Variants in HADHA observed in about 807,000 individuals in gnomAD.
HADHA encodes the protein hydroxyacyl-CoA dehydrogenase trifunctional multienzyme complex subunit alpha.
Under a neutral mutation model 91.3 loss-of-function variants are expected in HADHA, and 59 were observed. That is an observed-to-expected ratio of 0.65 (90% CI 0.52 to 0.80). The LOEUF (loss-of-function observed/expected upper bound fraction) is 0.80. Ranked by LOEUF, HADHA falls within the 30% of genes least tolerant of loss-of-function variation. The pLI is 0.00. For synonymous variants in HADHA, 320 were observed against 338.9 expected (o/e 0.94, Z 0.61); for missense variants, 800 against 927.6 (o/e 0.86, Z 1.79).
chr2:26,233,310 A>G (rs1451056166), intron 5 of HADHA, among the ~76,000 whole-genome samples: 1 of 152,200 alleles, frequency 6.6e-6, no homozygotes, highest in East Asian at 1.9e-4. Context: ...TTCTGTATCT[A>G]AACACAGAAA....
chr2:26,192,485 T>C, intron 17 of HADHA, 61 bp from the exon 18 acceptor site: 1 of 967,712 alleles, frequency 1.0e-6, no homozygotes, highest in East Asian at 2.4e-5. Context: ...TGTTACTATT[T>C]GTTCTCAGAA....
Position 26,191,611 on chromosome 2 carries a change from A to C in HADHA, c.2018T>G (p.Ile673Ser), listed in dbSNP as rs1345295632. Reference sequence around the variant, plus strand: ...AAATCTTGTCACCAGGCGGAACTGGATGTCTTCGTCTGATGAGCTGCCAAC... The same window carrying C: ...AAATCTTGTCACCAGGCGGAACTGGCTGTCTTCGTCTGATGAGCTGCCAAC... Reference protein sequence around the residue: ...PKSEVSSDEDIQFRLVTRFVN... With the variant: ...PKSEVSSDEDSQFRLVTRFVN... Residue 673 changes from isoleucine (I) to serine (S), a missense_variant, in exon 19 of 20, where the codon ATC becomes AGC. Coordinates refer to ENST00000380649, the MANE Select transcript of HADHA (RefSeq NM_000182.5). The C allele has an allele frequency of 6.2e-7, 1 of 1,614,160 alleles. No homozygotes were observed. The highest frequency in any genetic ancestry group is 1.3e-5 in the African/African-American group (1 of 75,058).
intron 10 of HADHA, among the ~76,000 whole-genome samples, chr2:26,211,456 T>G (rs891067741): frequency 5.3e-5 from 8 of 151,936 alleles, no homozygotes; most frequent in African/African-American, 1.9e-4. Context: ...ATATTACACA[T>G]GTTATGAGCT....
In HADHA at chr2:26,210,593, C is replaced by G. The variant is rs534747946; in HGVS notation, c.976-704G>C. ...TCTCCTGACCTCGTGATCTGCCCGC[C>G]TTGGCCTTCCAAAGTGCTGGGATTA... On this transcript the variant is annotated intron_variant, in intron 10 of 19. Transcript: ENST00000380649. The surrounding 1 kb of genome is among the most constrained non-coding windows in gnomAD (Gnocchi z 4.0). The G allele has an allele frequency of 6.5e-6, 1 of 152,788 alleles. No homozygotes were observed. The highest frequency in any genetic ancestry group is 1.5e-5 in the Non-Finnish European group (1 of 68,496). The allele number at this position is 152,788 out of a possible 1,614,324, so 9.5% of individuals were successfully genotyped here. A position where few individuals can be genotyped will look rare whatever the true frequency, so the allele number is the denominator to read the frequency against.
chr2:26,239,243 A>T lies in HADHA; in HGVS notation c.68-100T>A, dbSNP rs886864924. 4 of 841,758 alleles carry T rather than the reference A, an allele frequency of 4.8e-6. No individual in the cohort carries two copies. In the African/African-American group the frequency reaches 6.7e-5, roughly 14 times the overall value. The allele number at this position is 841,758 out of a possible 1,614,324, so 52.1% of individuals were successfully genotyped here. A position where few individuals can be genotyped will look rare whatever the true frequency, so the allele number is the denominator to read the frequency against. Reference sequence around the variant, plus strand: ...ATTTACAATAATAACAACAACAAAAACCCCAAATCTGTACAATGTATTCTA... The same window carrying T: ...ATTTACAATAATAACAACAACAAAATCCCCAAATCTGTACAATGTATTCTA... On this transcript the variant is annotated intron_variant, in intron 1 of 19. Transcript: ENST00000380649.
intron 1 of HADHA, among the ~76,000 whole-genome samples, chr2:26,242,313 G>T (rs897634063): frequency 2.0e-5 from 3 of 152,200 alleles, no homozygotes; most frequent in African/African-American, 7.2e-5. Flanking sequence ...TAAGGGTGCA[G>T]GTCATTTTAA....
intron 7 of HADHA, among the ~76,000 whole-genome samples, chr2:26,223,403 G>A (rs895718458): frequency 1.3e-5 from 2 of 152,210 alleles, no homozygotes; most frequent in Non-Finnish European, 2.9e-5. Context: ...ACATGGGACT[G>A]CTAGTGGCCT....
At chr2:26,225,969 G>C (rs999632056) in intron 7 of HADHA, among the ~76,000 whole-genome samples, 2 of 151,804 alleles carry the variant, frequency 1.3e-5, no homozygotes, top group African/African-American at 4.8e-5. Context: ...TAATAAAAAA[G>C]GCTACTAGAA....
rs1670580686 is a variant in HADHA, at chr2:26,229,934, C to T, written c.676+258G>A. On this transcript the variant is annotated intron_variant, in intron 7 of 19. Coordinates refer to ENST00000380649, the MANE Select transcript of HADHA (RefSeq NM_000182.5). This position sits in a 1 kb window ranked among gnomAD's most constrained non-coding sequence, Gnocchi z 4.3. ...CTCAGCCCCGCCAGGTTCAAGCGAT[C>T]CTCCTGCCTCAGCCTCCCAAGTAGC... 6.6e-6 allele frequency among the ~76,000 whole-genome samples: 1 copy of T among 152,144 alleles called. No homozygotes were observed. The highest frequency in any genetic ancestry group is 2.4e-5 in the African/African-American group (1 of 41,432).
intron 14 of HADHA, 84 bp downstream of exon 14, chr2:26,197,607 C>A (rs751491396): frequency 1.3e-5 from 10 of 786,438 alleles, no homozygotes; most frequent in Non-Finnish European, 2.1e-5. Flanking sequence ...AATCCACTGT[C>A]TCTTCTGTAC....
In HADHA at chr2:26,214,396, T is replaced by C. The variant is rs1273548262; in HGVS notation, c.918+47A>G. Reference sequence around the variant, plus strand: ...TGGCAATAAGGAGGAGTGATCTATATAAAGGAAGGAAATATGAGAAAAGTG... The same window carrying C: ...TGGCAATAAGGAGGAGTGATCTATACAAAGGAAGGAAATATGAGAAAAGTG... On this transcript the variant is annotated intron_variant, in intron 9 of 19. Coordinates refer to ENST00000380649, the MANE Select transcript of HADHA (RefSeq NM_000182.5). The surrounding 1 kb of genome is among the most constrained non-coding windows in gnomAD (Gnocchi z 4.1). 2 of 905,680 alleles carry C rather than the reference T, an allele frequency of 2.2e-6. No homozygotes were observed. The highest frequency in any genetic ancestry group is 3.7e-6 in the Non-Finnish European group (2 of 534,280). 56.1% of individuals were successfully genotyped at this position (905,680 alleles called of 1,614,324 possible).
chr2:26,203,521 G>A (rs1338410805), intron 12 of HADHA, among the ~76,000 whole-genome samples: 1 of 152,174 alleles, frequency 6.6e-6, no homozygotes, highest in Non-Finnish European at 1.5e-5. Flanking sequence ...TAAAGCCCCA[G>A]ACACTGTGGA....
intron 14 of HADHA, among the ~76,000 whole-genome samples, chr2:26,196,467 ATATACATCCAT>A (rs1669676311): frequency 6.6e-6 from 1 of 152,216 alleles, no homozygotes; most frequent in Non-Finnish European, 1.5e-5. Context: ...TGACAACTGT[ATATACATCCAT>A]ATAATCACTA....
At chr2:26,239,437 C>T (rs1376797017) in intron 1 of HADHA, among the ~76,000 whole-genome samples, 7 of 152,110 alleles carry the variant, frequency 4.6e-5, no homozygotes, top group Admixed American at 4.6e-4. Flanking sequence ...ATCAGTTGGC[C>T]TTAATAAAGA....
intron 10 of HADHA, among the ~76,000 whole-genome samples, chr2:26,211,716 G>A (rs1410488742): frequency 2.6e-5 from 4 of 152,158 alleles, no homozygotes; most frequent in South Asian, 2.1e-4. Context: ...TTCGATGATC[G>A]TTTAAAACTT....
intron 7 of HADHA, among the ~76,000 whole-genome samples, chr2:26,226,415 AT>A (rs1411306965): frequency 1.3e-5 from 2 of 152,198 alleles, no homozygotes; most frequent in African/African-American, 4.8e-5. Context: ...ATACTGCTTA[AT>A]TTCAGGATTC....
At chr2:26,219,719 A>G (rs942825234) in intron 7 of HADHA, among the ~76,000 whole-genome samples, 5 of 152,248 alleles carry the variant, frequency 3.3e-5, no homozygotes, top group African/African-American at 1.2e-4. Context: ...CATAGTTACC[A>G]TAATAAATAG....
At chr2:26,218,408 T>C (rs148156815) in intron 7 of HADHA, among the ~76,000 whole-genome samples, 1 of 152,168 alleles carries the variant, frequency 6.6e-6, no homozygotes, top group East Asian at 1.9e-4. Context: ...AGAACAGACC[T>C]ACACTACAGA....
intron 4 of HADHA, 65 bp from the exon 5 acceptor site, chr2:26,234,420 C>A: frequency 7.7e-7 from 1 of 1,304,574 alleles, no homozygotes; most frequent in Non-Finnish European, 1.1e-6. Context: ...TGGTTCAATA[C>A]TTATTCACTA....
Sources: allele counts gnomAD v4.1 joint callset (sites outside exome capture counted in the v4.1 genomes callset), GRCh38; gene constraint gnomAD v4.1.1; non-coding constraint Gnocchi (gnomAD v3.1); transcripts MANE v1.5; gene names NCBI Gene and HGNC (gene_info 2026-07-23, HGNC 2026-07-21).